DLG2: variants seen among roughly 807,000 people sequenced by gnomAD.
DLG2 encodes the protein disks large homolog 2.
In DLG2, 45 loss-of-function variants were observed where a neutral mutation model predicts 132.5. The observed-to-expected ratio is 0.34, with a 90% CI of 0.27 to 0.44. The LOEUF (loss-of-function observed/expected upper bound fraction) is 0.44. Ranked by LOEUF, DLG2 falls within the 20% of genes least tolerant of loss-of-function variation. The pLI, the probability that DLG2 is intolerant of heterozygous loss-of-function variation, is 1.00. For synonymous variants in DLG2, 424 were observed against 419.6 expected (o/e 1.01, Z -0.13); for missense variants, 1,045 against 1,196.9 (o/e 0.87, Z 1.87).
chr11:85,413,219 C>G (rs1007916468), intron 3 of DLG2, among the ~76,000 whole-genome samples: 2 of 151,760 alleles, frequency 1.3e-5, no homozygotes, highest in Non-Finnish European at 2.9e-5. Flanking sequence ...CTTTTGAGAA[C>G]TGTCTATTCA....
intron 6 of DLG2, among the ~76,000 whole-genome samples, chr11:84,669,192 G>A (rs2099703087): frequency 2.0e-5 from 3 of 151,994 alleles, no homozygotes; most frequent in Non-Finnish European, 1.5e-5. Context: ...GTTGGGGTCT[G>A]GCACTTCAAA....
chr11:84,944,132 T>C (rs1435577583), intron 6 of DLG2, among the ~76,000 whole-genome samples: 1 of 152,168 alleles, frequency 6.6e-6, no homozygotes, highest in Non-Finnish European at 1.5e-5. Context: ...ATTTGTTTCT[T>C]TTCTCTTGCT....
chr11:85,505,973 T>G (rs908890400), intron 3 of DLG2, among the ~76,000 whole-genome samples: 1 of 152,204 alleles, frequency 6.6e-6, no homozygotes, highest in African/African-American at 2.4e-5. Flanking sequence ...CAGGAATTTA[T>G]CCATTTCTTC....
chr11:84,572,333 GC>G (rs996348684), intron 6 of DLG2, among the ~76,000 whole-genome samples: 2 of 151,990 alleles, frequency 1.3e-5, no homozygotes, highest in Non-Finnish European at 2.9e-5. Context: ...ACTTGCTTTG[GC>G]CAATGGAATG....
chr11:83,944,502 G>A lies in DLG2; in HGVS notation c.1341-14019C>T, dbSNP rs191747732. Among the ~76,000 whole-genome samples, 16 of 152,248 alleles carry A rather than the reference G, an allele frequency of 1.1e-4. No homozygotes were observed. In the South Asian group the frequency reaches 2.3e-3, roughly 22 times the overall value. The stretch of plus-strand genomic sequence containing the variant: ...CTAGAGAAAACTGTGCTTTATTACC[G>A]ATCCTGACTGGCCCAGTATAGCCGA... On this transcript the variant is annotated intron_variant, in intron 14 of 27. Transcript: ENST00000376104.
intron 5 of DLG2, chr11:85,132,848 G>T: frequency 2.2e-6 from 1 of 456,704 alleles, no homozygotes; most frequent in East Asian, 7.0e-5. Flanking sequence ...CAGCAAATCA[G>T]CAAAGGTGAG....
Position 84,092,323 on chromosome 11 carries a change from T to C in DLG2, c.749+6600A>G, listed in dbSNP as rs151263975. Among the ~76,000 whole-genome samples, 185 of 152,360 alleles carry C rather than the reference T, an allele frequency of 1.2e-3. 1 individual carries two copies. The highest frequency in any genetic ancestry group is 4.1e-3 in the African/African-American group (170 of 41,582). ...TAGCTGGCTCTATAGATAACAGAGT[T>C]GTATTGCAGGCCTTGCCTTTTACAT... On this transcript the variant is annotated intron_variant, in intron 10 of 27. Coordinates refer to ENST00000376104, the MANE Select transcript of DLG2 (RefSeq NM_001142699.3).
intron 3 of DLG2, among the ~76,000 whole-genome samples, chr11:85,481,492 C>A (rs536275123): frequency 6.6e-6 from 1 of 152,250 alleles, no homozygotes; most frequent in South Asian, 2.1e-4. Context: ...CAACTCCAGG[C>A]AGCACAGGGA....
At chr11:84,199,343 C>T (rs1357494848) in intron 8 of DLG2, among the ~76,000 whole-genome samples, 1 of 152,108 alleles carries the variant, frequency 6.6e-6, no homozygotes, top group African/African-American at 2.4e-5. Context: ...TACTGCCTCC[C>T]TTTTGTTACC....
chr11:85,287,840 C>T (rs953999850), intron 3 of DLG2, among the ~76,000 whole-genome samples: 3 of 151,956 alleles, frequency 2.0e-5, no homozygotes, highest in Non-Finnish European at 2.9e-5. Context: ...AACTATATAT[C>T]TTAGAAAAAT....
chr11:84,414,047 T>C (rs2098919870), intron 7 of DLG2, among the ~76,000 whole-genome samples: 1 of 152,206 alleles, frequency 6.6e-6, no homozygotes. Context: ...AAAACAATTA[T>C]ATGCAATTTG....
intron 18 of DLG2, among the ~76,000 whole-genome samples, chr11:83,639,672 GGGTGCA>G (rs2065894948): frequency 1.3e-5 from 2 of 151,740 alleles, no homozygotes; most frequent in South Asian, 2.1e-4. Context: ...ACGAGTTAAT[GGGTGCA>G]GCACACCAAC....
intron 7 of DLG2, among the ~76,000 whole-genome samples, chr11:84,502,206 CCTTCCTTCCTTCCTTCCTTCCT>C (rs1567803265): frequency 0.026 from 556 of 21,280 alleles, 150 homozygotes; most frequent in Middle Eastern, 0.045. Context: ...CTCTCTCCTT[CCTTCCTTCCTTCCTTCCTTCCT>C]TCCTTCCTTC....
intron 6 of DLG2, among the ~76,000 whole-genome samples, chr11:84,809,312 C>A (rs1204080516): frequency 6.6e-6 from 1 of 151,782 alleles, no homozygotes; most frequent in Non-Finnish European, 1.5e-5. Flanking sequence ...TATAAAAAAT[C>A]TGTACCTAAC....
chr11:83,553,483 CGTGTGTGTGTGTGTGTGTGTGT>C (rs71959561), intron 19 of DLG2, among the ~76,000 whole-genome samples: 3 of 143,770 alleles, frequency 2.1e-5, no homozygotes, highest in Middle Eastern at 3.4e-3. Context: ...AAGTAAGCAC[CGTGTGTGTGTGTGTGTGTGTGT>C]GTGTGTGTGT....
chr11:85,540,733 T>G (rs1565658384), intron 3 of DLG2, among the ~76,000 whole-genome samples: 1 of 152,190 alleles, frequency 6.6e-6, no homozygotes, highest in Non-Finnish European at 1.5e-5. Context: ...ACACACCCAC[T>G]GGGACTTCGG....
chr11:85,211,959 A>G (rs1164847348), intron 4 of DLG2, among the ~76,000 whole-genome samples: 2 of 152,108 alleles, frequency 1.3e-5, no homozygotes, highest in Non-Finnish European at 2.9e-5. Context: ...GTATAAAATA[A>G]TGACTGATTA....
chr11:85,429,761 G>C (rs1304135532), intron 3 of DLG2, among the ~76,000 whole-genome samples: 1 of 152,182 alleles, frequency 6.6e-6, no homozygotes, highest in Non-Finnish European at 1.5e-5. Flanking sequence ...CTGTTGGTGG[G>C]ACTGTAAACT....
chr11:83,880,329 G>A (rs2065856886), intron 15 of DLG2, among the ~76,000 whole-genome samples: 2 of 152,172 alleles, frequency 1.3e-5, no homozygotes, highest in African/African-American at 4.8e-5. Context: ...CCATCAGGGT[G>A]AAGAATATTA....
Sources: allele counts gnomAD v4.1 joint callset (sites outside exome capture counted in the v4.1 genomes callset), GRCh38; gene constraint gnomAD v4.1.1; transcripts MANE v1.5; gene names NCBI Gene and HGNC (gene_info 2026-07-23, HGNC 2026-07-21).